TENM2: variants seen among roughly 807,000 people sequenced by gnomAD.
TENM2 encodes teneurin transmembrane protein 2, also known as teneurin-2.
TENM2 carries 52 observed loss-of-function variants against 245.2 expected under a neutral mutation model. The ratio of observed to expected loss-of-function variants is 0.21; its 90% CI spans 0.17 to 0.27. The LOEUF (loss-of-function observed/expected upper bound fraction) is 0.27. TENM2 is among the 10% of genes least tolerant of loss of function. The probability of loss-of-function intolerance (pLI) is 1.00; values close to 1 mark genes in which losing one functional copy is unlikely to be tolerated. For missense variants in TENM2, 3,046 were observed against 3,666.8 expected (o/e 0.83, Z 4.37); for synonymous variants, 1,363 against 1,438.9 (o/e 0.95, Z 1.19).
intron 1 of TENM2, among the ~76,000 whole-genome samples, chr5:167,350,078 C>G (rs181136223): frequency 6.6e-6 from 1 of 152,038 alleles, no homozygotes; most frequent in Non-Finnish European, 1.5e-5. Context: ...GTTGTCAACA[C>G]GTGATGCTCC....
the TENM2 span, among the ~76,000 whole-genome samples, chr5:167,007,860 G>C: frequency 1.3e-5 from 2 of 152,154 alleles, no homozygotes; most frequent in Non-Finnish European, 2.9e-5. The surrounding 1 kb of genome is among the most constrained non-coding windows in gnomAD (Gnocchi z 4.2). Context: ...GCCAGCCTGG[G>C]CCAGAACTTG....
chr5:167,168,935 A>G, the TENM2 span, among the ~76,000 whole-genome samples: 1 of 151,756 alleles, frequency 6.6e-6, no homozygotes, highest in South Asian at 2.1e-4. Flanking sequence ...AATTTTTTGT[A>G]TTTTTAGTAG....
At chr5:167,724,404 A>G (rs926206704) in intron 2 of TENM2, among the ~76,000 whole-genome samples, 1 of 151,900 alleles carries the variant, frequency 6.6e-6, no homozygotes, top group Admixed American at 6.6e-5. Flanking sequence ...TGAAGTCCTC[A>G]TGTATTCATT....
chr5:168,239,535 G>C (rs976287987), intron 25 of TENM2, among the ~76,000 whole-genome samples: 2 of 152,106 alleles, frequency 1.3e-5, no homozygotes, highest in African/African-American at 4.8e-5. Context: ...GGCAGTCAGA[G>C]GTTAGGGACC....
intron 2 of TENM2, among the ~76,000 whole-genome samples, chr5:167,609,601 G>A (rs541198285): frequency 6.6e-6 from 1 of 151,100 alleles, no homozygotes; most frequent in Non-Finnish European, 1.5e-5. Context: ...CCCTTTATAA[G>A]GTCAAGTGAA....
At chr5:167,405,849 A>G (rs1440690889) in intron 2 of TENM2, among the ~76,000 whole-genome samples, 1 of 151,742 alleles carries the variant, frequency 6.6e-6, no homozygotes, top group African/African-American at 2.4e-5. Context: ...AGAATCTTCC[A>G]TTTCATAGCA....
At chr5:167,084,725 TGATG>T in the TENM2 span, among the ~76,000 whole-genome samples, 10 of 151,984 alleles carry the variant, frequency 6.6e-5, no homozygotes, top group East Asian at 7.8e-4. Context: ...CAGGGTGGCA[TGATG>T]TTTATTATAA....
intron 4 of TENM2, among the ~76,000 whole-genome samples, chr5:167,970,489 G>A (rs1431877367): frequency 1.3e-5 from 2 of 152,110 alleles, no homozygotes; most frequent in Non-Finnish European, 2.9e-5. Context: ...CCTCTCTCTT[G>A]GAAATGGCTG....
Position 167,333,481 on chromosome 5 carries a change from A to G in TENM2, c.227-41717A>G, listed in dbSNP as rs1461250525. ...ATTATTAGAAAAATAAATATTTTAG[A>G]TTACCTGATCAGTGAGCCATGTTCT... is the stretch of plus-strand genomic sequence containing the variant. On this transcript the variant is annotated intron_variant, in intron 1 of 28. Coordinates refer to ENST00000518659, the Ensembl canonical transcript of TENM2. Among the ~76,000 whole-genome samples, 4 of 152,314 alleles carry G rather than the reference A, an allele frequency of 2.6e-5. No homozygotes were observed. The East Asian group carries it at 7.7e-4, about 29-fold the overall frequency.
chr5:167,634,688 C>A (rs1779082967), intron 2 of TENM2, among the ~76,000 whole-genome samples: 1 of 151,712 alleles, frequency 6.6e-6, no homozygotes, highest in Non-Finnish European at 1.5e-5. Flanking sequence ...CGTACTTAAG[C>A]TTAAGCAATC....
intron 3 of TENM2, among the ~76,000 whole-genome samples, chr5:167,899,409 A>G (rs1185271043): frequency 2.0e-5 from 3 of 152,324 alleles, no homozygotes; most frequent in Admixed American, 6.5e-5. Context: ...TCATGATAGC[A>G]TAGTAATAAT....
chr5:167,260,225 T>G, the TENM2 span, among the ~76,000 whole-genome samples: 1 of 152,192 alleles, frequency 6.6e-6, no homozygotes, highest in Admixed American at 6.5e-5. Context: ...CAATGATAAA[T>G]TATTCTTTAT....
At chr5:167,322,882 G>A (rs1756853991) in intron 1 of TENM2, among the ~76,000 whole-genome samples, 1 of 152,190 alleles carries the variant, frequency 6.6e-6, no homozygotes, top group Non-Finnish European at 1.5e-5. Flanking sequence ...GGGCCAGAAG[G>A]CCATGGTGAC....
chr5:167,738,767 G>A (rs1011344676), intron 2 of TENM2, among the ~76,000 whole-genome samples: 1 of 151,948 alleles, frequency 6.6e-6, no homozygotes, highest in Non-Finnish European at 1.5e-5. Flanking sequence ...ATGCTCACAT[G>A]GTCTTTCTGT....
chr5:167,238,026 A>G, the TENM2 span, among the ~76,000 whole-genome samples: 1 of 151,048 alleles, frequency 6.6e-6, no homozygotes, highest in South Asian at 2.1e-4. Context: ...AAAAAAAAAA[A>G]AAAAAAAGAA....
the TENM2 span, among the ~76,000 whole-genome samples, chr5:167,015,207 G>T: frequency 6.6e-6 from 1 of 151,946 alleles, no homozygotes; most frequent in Non-Finnish European, 1.5e-5. Flanking sequence ...GAATATTTTT[G>T]GTTAGTTCAG....
At chr5:168,010,673 T>A (rs577376674) in intron 5 of TENM2, among the ~76,000 whole-genome samples, 1 of 152,348 alleles carries the variant, frequency 6.6e-6, no homozygotes, top group South Asian at 2.1e-4. Context: ...TAAGGAGAGA[T>A]GTTCATGGGG....
At chr5:168,076,440 G>A (rs1562127662) in intron 7 of TENM2, among the ~76,000 whole-genome samples, 1 of 151,942 alleles carries the variant, frequency 6.6e-6, no homozygotes, top group Non-Finnish European at 1.5e-5. Flanking sequence ...TGGCCAGGCT[G>A]GTCTCGAACT....
chr5:167,862,611 G>C (rs947330705), intron 2 of TENM2, among the ~76,000 whole-genome samples: 1 of 152,198 alleles, frequency 6.6e-6, no homozygotes, highest in Non-Finnish European at 1.5e-5. Context: ...GTCTTCAGCT[G>C]TCTGCCTTGA....
Sources: gnomAD v4.1 joint callset for allele counts (sites outside exome capture counted in the v4.1 genomes callset) on GRCh38, gnomAD v4.1.1 for gene constraint, Gnocchi (gnomAD v3.1) non-coding constraint, MANE v1.5 for transcripts, NCBI Gene and HGNC (gene_info 2026-07-23, HGNC 2026-07-21) for gene names.